DST: variants seen among roughly 807,000 people sequenced by gnomAD.
DST encodes the protein bullous pemphigoid antigen.
A neutral mutation model predicts 875.2 loss-of-function variants in DST; 253 were observed. The observed-to-expected ratio is 0.29, with a 90% confidence interval of 0.26 to 0.32. The LOEUF (loss-of-function observed/expected upper bound fraction) is 0.32, where lower values mean the gene tolerates loss of function less well. Among genes scored for constraint, DST ranks in the 10% least tolerant of loss-of-function variants. The pLI, the probability that DST is intolerant of heterozygous loss-of-function variation, is 1.00. For missense variants in DST, 8,287 were observed against 9,111.6 expected (o/e 0.91, Z 3.68); for synonymous variants, 3,124 against 3,197.1 (o/e 0.98, Z 0.77).
At chr6:56,517,911 C>A (rs2096626358) in intron 69 of DST, among the ~76,000 whole-genome samples, 1 of 152,082 alleles carries the variant, frequency 6.6e-6, no homozygotes, top group African/African-American at 2.4e-5. Context: ...ATAATTTGCA[C>A]CTTAGGAGTA....
chr6:56,584,308 C>T lies in DST; in HGVS notation c.12904-5371G>A, dbSNP rs13194415. Among the ~76,000 whole-genome samples the T allele has an allele frequency of 8.5e-3, 1,299 of 152,044 alleles. 10 individuals are homozygous for T. Among genetic ancestry groups the T allele is most frequent in the Admixed American group, 0.015 (227 of 15,258 alleles). On this transcript the variant is annotated intron_variant, in intron 49 of 103. Coordinates refer to ENST00000680361, the MANE Select transcript of DST (RefSeq NM_001374736.1). ...TATTTCTCCTTGAAGAGGTCCTTCA[C>T]GTCCCTTGTAAGTTGGATTCCTAAG...
At chr6:56,945,761 T>C (rs1222804404) in intron 2 of DST, 1 of 151,818 alleles carries the variant, frequency 6.6e-6, no homozygotes, top group Admixed American at 6.6e-5. Flanking sequence ...ATATGAAAAT[T>C]GGAAAGATAC....
chr6:56,947,164 T>C (rs1819954489), intron 2 of DST, among the ~76,000 whole-genome samples: 1 of 152,058 alleles, frequency 6.6e-6, no homozygotes, highest in South Asian at 2.1e-4. Flanking sequence ...TAACTCTTTG[T>C]TCTCCCTGGG....
intron 4 of DST, among the ~76,000 whole-genome samples, chr6:56,753,155 T>C (rs2099592817): frequency 6.6e-6 from 1 of 152,172 alleles, no homozygotes; most frequent in Non-Finnish European, 1.5e-5. Flanking sequence ...GGCAGTGATA[T>C]GGCGAGTATA....
intron 5 of DST, among the ~76,000 whole-genome samples, chr6:56,704,752 T>C (rs1418853219): frequency 6.6e-6 from 1 of 152,210 alleles, no homozygotes; most frequent in African/African-American, 2.4e-5. Context: ...GTTGATCTTC[T>C]ACTTCTAGCC....
At chr6:56,642,579 C>T in intron 15 of DST, 76 bp from the exon 16 acceptor site, 1 of 1,612,442 alleles carries the variant, frequency 6.2e-7, no homozygotes, top group Non-Finnish European at 8.5e-7. Context: ...AAAGTGCTGC[C>T]CATCAAAAAG....
At chr6:56,851,697 C>G in intron 3 of DST, 93 bp from the exon 4 acceptor site, 1 of 1,553,208 alleles carries the variant, frequency 6.4e-7, no homozygotes, top group Non-Finnish European at 8.7e-7. Flanking sequence ...CCGCCGCCCT[C>G]CCTGCCCCCA....
intron 3 of DST, among the ~76,000 whole-genome samples, chr6:56,880,747 T>C (rs554105583): frequency 7.3e-5 from 11 of 150,988 alleles, no homozygotes; most frequent in Non-Finnish European, 1.6e-4. Flanking sequence ...TTTCAACTTA[T>C]CTGGTTCCAT....
At position 56,466,163 on chromosome 6, in the gene DST, C is replaced by T. The variant is rs2094567759; in HGVS notation, c.22602G>A (p.Arg7534=). ...FGDSQQLRLV[R]ILRSTVMVRV... is the part of the protein sequence containing the mutation. ...GAACCATCACAGTACTCCGCAGGAT[C>T]CGGACCAGTCGCAGTTGCTGGGAGT... Residue 7534 remains arginine, a synonymous_variant, in exon 99 of 104, where the codon CGG becomes CGA. Transcript: ENST00000680361. 1 of 1,611,322 alleles carries T rather than the reference C, an allele frequency of 6.2e-7. No homozygotes were observed. Among genetic ancestry groups the T allele is most frequent in the Non-Finnish European group, 8.5e-7 (1 of 1,178,612 alleles).
intron 102 of DST, chr6:56,460,962 C>A (rs1225877173): frequency 6.7e-6 from 1 of 150,336 alleles, no homozygotes; most frequent in Non-Finnish European, 1.5e-5. Flanking sequence ...TTTTATTATA[C>A]AATCATTGCA....
At chr6:56,814,923 GATAA>G (rs2099764823) in intron 4 of DST, among the ~76,000 whole-genome samples, 1 of 152,094 alleles carries the variant, frequency 6.6e-6, no homozygotes, top group South Asian at 2.1e-4. Context: ...ATTACAGCAA[GATAA>G]ATGAGAGGCA....
At chr6:56,524,906 A>C (rs2096770127) in intron 69 of DST, among the ~76,000 whole-genome samples, 1 of 142,440 alleles carries the variant, frequency 7.0e-6, no homozygotes, top group Admixed American at 7.2e-5. Context: ...ATTTTAAATA[A>C]GGACTAATTC....
At chr6:56,833,274 G>A (rs933572182) in intron 4 of DST, among the ~76,000 whole-genome samples, 8 of 152,204 alleles carry the variant, frequency 5.3e-5, no homozygotes, top group East Asian at 1.9e-4. Flanking sequence ...AATCATTTAC[G>A]TGAAAGCACT....
rs372727091 is a variant in DST at position 56,605,720 on chromosome 6, G to T, written c.8908C>A (p.Pro2970Thr). ...KVKLIQGSEL[P>T]ELTDSVKGKD... The stretch of plus-strand genomic sequence containing the variant: ...CCTTTCACAGAATCAGTCAATTCTG[G>T]CAATTCTGACCCTTGAATCAACTTA... The change falls in exon 40 of 104, where the codon CCA (proline) becomes ACA (threonine). Residue 2970 changes from proline to threonine, a missense_variant. Transcript: ENST00000680361. 6.2e-7 allele frequency: 1 copy of T among 1,612,708 alleles called. No individual in the cohort carries two copies. The highest frequency in any genetic ancestry group is 8.5e-7 in the Non-Finnish European group (1 of 1,179,296).
chr6:56,778,568 G>A (rs1333819840), intron 4 of DST, among the ~76,000 whole-genome samples: 1 of 125,874 alleles, frequency 7.9e-6, no homozygotes, highest in Non-Finnish European at 1.6e-5. Flanking sequence ...GGTGTGTGAT[G>A]TTCCCCTTCC....
chr6:56,668,994 T>C (rs895957136), intron 10 of DST, among the ~76,000 whole-genome samples: 3 of 152,034 alleles, frequency 2.0e-5, no homozygotes, highest in African/African-American at 7.2e-5. Context: ...CTCTAACTTA[T>C]TAGCAGTATA....
At chr6:56,708,715 T>A (rs2152889966) in intron 5 of DST, among the ~76,000 whole-genome samples, 1 of 152,160 alleles carries the variant, frequency 6.6e-6, no homozygotes, top group East Asian at 1.9e-4. Context: ...AAATTAAAAA[T>A]CAACATTATG....
intron 3 of DST, among the ~76,000 whole-genome samples, chr6:56,877,002 C>A (rs1377933850): frequency 6.6e-6 from 1 of 152,200 alleles, no homozygotes; most frequent in Non-Finnish European, 1.5e-5. Context: ...ATCTCCTAGT[C>A]ATTTTTTCCC....
intron 4 of DST, among the ~76,000 whole-genome samples, chr6:56,784,871 T>C (rs1291751140): frequency 6.6e-6 from 1 of 152,188 alleles, no homozygotes; most frequent in Non-Finnish European, 1.5e-5. Flanking sequence ...CCGCTTTTGG[T>C]CTTTGATGAT....
Sources: gnomAD v4.1 joint callset for allele counts (sites outside exome capture counted in the v4.1 genomes callset) on GRCh38, gnomAD v4.1.1 for gene constraint, MANE v1.5 for transcripts, NCBI Gene and HGNC (gene_info 2026-07-23, HGNC 2026-07-21) for gene names.